Variants in BLOC1S2 observed in about 807,000 individuals in gnomAD.
BLOC1S2 encodes the protein biogenesis of lysosomal organelles complex 1 subunit 2, also known as biogenesis of lysosome-related organelles complex 1 subunit 2.
Under a neutral mutation model 19.6 loss-of-function variants are expected in BLOC1S2, and 12 were observed. The observed-to-expected ratio is 0.61, with a 90% CI of 0.39 to 0.99. The LOEUF (loss-of-function observed/expected upper bound fraction) is 0.99, where lower values mean the gene tolerates loss of function less well. Ranked by LOEUF, BLOC1S2 falls within the 50% of genes least tolerant of loss-of-function variation. The pLI, the probability that BLOC1S2 is intolerant of heterozygous loss-of-function variation, is 0.00. For missense variants in BLOC1S2, 142 were observed against 171.0 expected, an observed-to-expected ratio of 0.83 and a Z score of 0.95; for synonymous variants, 66 against 64.1, an observed-to-expected ratio of 1.03 and a Z score of -0.14.
intron 4 of BLOC1S2, among the ~76,000 whole-genome samples, chr10:100,277,361 C>T (rs1473053536): frequency 1.3e-5 from 2 of 151,446 alleles, no homozygotes; most frequent in Middle Eastern, 3.4e-3. Context: ...GGCCAGCCGC[C>T]CCGTCCGGGA....
At chr10:100,277,947 C>T (rs1231689082) in intron 4 of BLOC1S2, among the ~76,000 whole-genome samples, 3 of 105,764 alleles carry the variant, frequency 2.8e-5, no homozygotes, top group African/African-American at 8.3e-5. Flanking sequence ...TCTGCCCGGC[C>T]GCCCCTACTG....
Position 100,286,138 on chromosome 10 carries a change from A to G in BLOC1S2, c.131T>C (p.Met44Thr). The change falls in exon 2 of 5, where the codon ATG (methionine) becomes ACG (threonine). Residue 44 changes from methionine to threonine, a missense_variant. By Grantham distance (81) the Met-to-Thr change is moderately conservative (BLOSUM62 -1). Transcript: ENST00000370372. ...EADITELCRD[M>T]FSKMATYLTG... ...CAGGTAAGTGGCCATTTTGGAGAACATGTCCCGGCAGAGCTCAGTGATGTC... is the reference window on the plus strand; with the variant it reads ...CAGGTAAGTGGCCATTTTGGAGAACGTGTCCCGGCAGAGCTCAGTGATGTC... The G allele has an allele frequency of 1.2e-6, 2 of 1,614,000 alleles. No homozygotes were observed. The highest frequency in any genetic ancestry group is 1.7e-5 in the Admixed American group (1 of 60,006).
intron 2 of BLOC1S2, among the ~76,000 whole-genome samples, chr10:100,281,797 A>C (rs547228814): frequency 6.6e-6 from 1 of 150,924 alleles, no homozygotes. Context: ...ACCATGTATA[A>C]TTCTATATTG....
rs1847825655 is a variant in BLOC1S2 at position 100,275,394 on chromosome 10, G to C, written c.*68C>G. The C allele has an allele frequency of 6.9e-7, 1 of 1,459,126 alleles. No homozygotes were observed. Among genetic ancestry groups the C allele is most frequent in the Non-Finnish European group, 9.4e-7 (1 of 1,069,362 alleles). The allele number at this position is 1,459,126 out of a possible 1,614,324, so 90.4% of individuals were successfully genotyped here. A position where few individuals can be genotyped will look rare whatever the true frequency, so the allele number is the denominator to read the frequency against. The stretch of plus-strand genomic sequence containing the variant: ...AATTTTCACAATTCATCAGCCTCAG[G>C]ATTCAGGTTTTATAAGACATTCTTC... On this transcript the variant is annotated 3_prime_UTR_variant, in exon 5 of 5. Coordinates refer to ENST00000370372, the MANE Select transcript of BLOC1S2 (RefSeq NM_173809.5).
At chr10:100,285,368 T>C (rs988251556) in intron 2 of BLOC1S2, among the ~76,000 whole-genome samples, 3 of 152,112 alleles carry the variant, frequency 2.0e-5, no homozygotes, top group Non-Finnish European at 4.4e-5. Context: ...TTCAAGCGAT[T>C]CTCCTGCCCC....
intron 4 of BLOC1S2, among the ~76,000 whole-genome samples, chr10:100,277,643 C>A (rs1222711244): frequency 1.5e-5 from 2 of 136,492 alleles, no homozygotes; most frequent in African/African-American, 2.8e-5. Context: ...GCCACCCCGT[C>A]CAGGAGGGAG....
chr10:100,279,768 G>A (rs951054316), intron 4 of BLOC1S2, among the ~76,000 whole-genome samples: 7 of 152,020 alleles, frequency 4.6e-5, no homozygotes, highest in African/African-American at 1.2e-4. Context: ...CCAGCTACTC[G>A]GGGGGCTGAG....
Position 100,286,651 on chromosome 10 carries a change from C to A in BLOC1S2, c.9G>T (p.Ala3=). Residue 3 remains alanine, a synonymous_variant, in exon 1 of 5, where the codon GCG becomes GCT. Coordinates refer to ENST00000370372, the MANE Select transcript of BLOC1S2 (RefSeq NM_173809.5). MA[A]AAEGVLATRS... is the part of the protein sequence containing the mutation. ...GGGTCGCCAGTACGCCCTCGGCTGC[C>A]GCCGCCATAGCGGACCCCGCGCTGT... is the stretch of plus-strand genomic sequence containing the variant. 1 of 1,610,422 alleles carries A rather than the reference C, an allele frequency of 6.2e-7. No individual in the cohort carries two copies.
intron 1 of BLOC1S2, 57 bp downstream of exon 1, chr10:100,286,548 C>G: frequency 2.1e-5 from 33 of 1,604,510 alleles, no homozygotes; most frequent in Non-Finnish European, 2.6e-5. Context: ...CCTCGCCCAC[C>G]CGAGACGGAG....
intron 4 of BLOC1S2, among the ~76,000 whole-genome samples, chr10:100,277,743 C>A (rs1347836624): frequency 3.1e-3 from 287 of 92,786 alleles, no homozygotes; most frequent in East Asian, 5.6e-3. Flanking sequence ...CCGCCCCGTC[C>A]GGGAGGTGAG....
chr10:100,282,446 C>T (rs993391143), intron 2 of BLOC1S2, among the ~76,000 whole-genome samples: 2 of 152,222 alleles, frequency 1.3e-5, no homozygotes, highest in African/African-American at 4.8e-5. Context: ...TCCTCCTAAA[C>T]CTCTCCATTG....
intron 4 of BLOC1S2, among the ~76,000 whole-genome samples, chr10:100,279,024 C>T (rs535517100): frequency 2.0e-5 from 3 of 151,866 alleles, no homozygotes; most frequent in Non-Finnish European, 4.4e-5. Context: ...GAGTTCAAGG[C>T]TACAGCGAGC....
chr10:100,278,923 A>G (rs1316233687), intron 4 of BLOC1S2, among the ~76,000 whole-genome samples: 1 of 151,966 alleles, frequency 6.6e-6, no homozygotes, highest in East Asian at 1.9e-4. Context: ...TTGTTTCAAA[A>G]ACAATTTTTT....
At position 100,275,235 on chromosome 10, in the gene BLOC1S2, T is replaced by A. The variant is rs1355339394; in HGVS notation, c.*227A>T. The stretch of plus-strand genomic sequence containing the variant: ...TCCTGAATATGGCAAAGCATTCAAG[T>A]AAAAGGTAGGAAGTTATAAGTGTGA... On this transcript the variant is annotated 3_prime_UTR_variant, in exon 5 of 5. Transcript: ENST00000370372. 3.2e-5 allele frequency: 15 copies of A among 467,016 alleles called. No homozygotes were observed. The Admixed American group carries it at 5.5e-4, about 17-fold the overall frequency. 28.9% of individuals were successfully genotyped at this position (467,016 alleles called of 1,614,324 possible).
At chr10:100,283,333 C>G (rs998262743) in intron 2 of BLOC1S2, among the ~76,000 whole-genome samples, 18 of 152,158 alleles carry the variant, frequency 1.2e-4, no homozygotes, top group African/African-American at 4.1e-4. Flanking sequence ...GAGCATGTAA[C>G]CTCTGGATGG....
At chr10:100,277,997 C>T (rs1487305481) in intron 4 of BLOC1S2, among the ~76,000 whole-genome samples, 2 of 117,692 alleles carry the variant, frequency 1.7e-5, no homozygotes, top group African/African-American at 6.9e-5. Context: ...CCGCCCTGTC[C>T]GGGAGGGAGG....
At chr10:100,283,347 G>C (rs1848156009) in intron 2 of BLOC1S2, among the ~76,000 whole-genome samples, 1 of 152,012 alleles carries the variant, frequency 6.6e-6, no homozygotes, top group African/African-American at 2.4e-5. Flanking sequence ...TGGATGGTAG[G>C]GGAAAAGACA....
At chr10:100,281,705 T>TAC (rs1554910982) in intron 2 of BLOC1S2, among the ~76,000 whole-genome samples, 4 of 69,892 alleles carry the variant, frequency 5.7e-5, no homozygotes, top group African/African-American at 2.1e-4. Context: ...TATATATATA[T>TAC]ACACATACAC....
rs1848247793 is a variant in BLOC1S2 at position 100,286,537 on chromosome 10, A to G, written c.55+68T>C. On this transcript the variant is annotated intron_variant, in intron 1 of 4. Transcript: ENST00000370372. ...TGCCAGGTGAGCCACCACACACTCA[A>G]CCTCGCCCACCCGAGACGGAGCCCC... 3 of 1,589,562 alleles carry G rather than the reference A, an allele frequency of 1.9e-6. No individual in the cohort carries two copies. The Admixed American group carries it at 5.2e-5, about 28-fold the overall frequency.
Sources: gnomAD v4.1 joint callset for allele counts (sites outside exome capture counted in the v4.1 genomes callset) on GRCh38, gnomAD v4.1.1 for gene constraint, MANE v1.5 for transcripts, NCBI Gene and HGNC (gene_info 2026-07-23, HGNC 2026-07-21) for gene names.